The following CPEB3 variants were observed in gnomAD, a reference collection of about 807,000 sequenced individuals.
CPEB3 encodes the protein cytoplasmic polyadenylation element-binding protein 3.
CPEB3 carries 20 observed loss-of-function variants against 67.2 expected under a neutral mutation model. The ratio of observed to expected loss-of-function variants is 0.30; its 90% CI spans 0.21 to 0.43. CPEB3 has a LOEUF of 0.43. Among genes scored for constraint, CPEB3 ranks in the 20% least tolerant of loss-of-function variants. The pLI is 1.00. For synonymous variants in CPEB3, 376 were observed against 393.1 expected (o/e 0.96, Z 0.51); for missense variants, 746 against 968.6 (o/e 0.77, Z 3.05).
chr10:92,253,833 C>A (rs919445185), intron 1 of CPEB3, among the ~76,000 whole-genome samples: 2 of 151,956 alleles, frequency 1.3e-5, no homozygotes, highest in African/African-American at 2.4e-5. Context: ...GGAGGGGGAG[C>A]CTTAGGTCTG....
At chr10:92,088,268 C>G (rs1298875226) in intron 8 of CPEB3, among the ~76,000 whole-genome samples, 1 of 149,210 alleles carries the variant, frequency 6.7e-6, no homozygotes, top group Non-Finnish European at 1.5e-5. Context: ...TACTGTCACC[C>G]AGGCTGGAGT....
At chr10:92,070,276 A>G (rs1564753117) in intron 9 of CPEB3, among the ~76,000 whole-genome samples, 1 of 152,250 alleles carries the variant, frequency 6.6e-6, no homozygotes, top group African/African-American at 2.4e-5. Flanking sequence ...AATATGTCAT[A>G]GAATAAACCA....
At chr10:92,243,596 G>C (rs1002659050) in intron 1 of CPEB3, among the ~76,000 whole-genome samples, 1 of 152,108 alleles carries the variant, frequency 6.6e-6, no homozygotes, top group African/African-American at 2.4e-5. Context: ...GTAATGACTG[G>C]GTAGCTAGCA....
At chr10:92,179,086 A>T (rs1848352918) in intron 4 of CPEB3, among the ~76,000 whole-genome samples, 1 of 152,130 alleles carries the variant, frequency 6.6e-6, no homozygotes, top group Non-Finnish European at 1.5e-5. Context: ...GTATCAGCAA[A>T]ATGGCCGTTT....
intron 9 of CPEB3, among the ~76,000 whole-genome samples, chr10:92,060,749 G>A (rs1172398507): frequency 2.0e-5 from 3 of 152,106 alleles, no homozygotes; most frequent in Non-Finnish European, 2.9e-5. Context: ...GATGGCAAAC[G>A]GAATATGAAA....
At chr10:92,151,998 T>C (rs1360335677) in intron 4 of CPEB3, among the ~76,000 whole-genome samples, 1 of 152,184 alleles carries the variant, frequency 6.6e-6, no homozygotes, top group Non-Finnish European at 1.5e-5. Flanking sequence ...TTTAAAAACA[T>C]AAATCCAATC....
Position 92,080,839 on chromosome 10 carries a change from T to C in CPEB3, c.1869+481A>G, listed in dbSNP as rs147041711. ...TTGGTCTCGATCTCCTGATTCATGA[T>C]CCACCCGCCTCGGCCTCCCAGAGTG... On this transcript the variant is annotated intron_variant, in intron 9 of 9. Coordinates refer to ENST00000265997, the MANE Select transcript of CPEB3 (RefSeq NM_014912.5). Among the ~76,000 whole-genome samples the C allele has an allele frequency of 5.7e-3, 869 of 152,254 alleles. 6 individuals carry two copies. The highest frequency in any genetic ancestry group is 0.02 in the African/African-American group (821 of 41,540).
intron 1 of CPEB3, among the ~76,000 whole-genome samples, chr10:92,289,012 G>A (rs777342851): frequency 1.7e-4 from 26 of 152,196 alleles, no homozygotes; most frequent in South Asian, 2.1e-4. Flanking sequence ...ATGGGAGGCC[G>A]AGGCAGGCAG....
In CPEB3 at chr10:92,192,484, A is replaced by G; in HGVS notation, c.1158T>C (p.His386=). 6.2e-7 allele frequency: 1 copy of G among 1,612,332 alleles called. No individual in the cohort carries two copies. The highest frequency in any genetic ancestry group is 8.5e-7 in the Non-Finnish European group (1 of 1,179,580). The change falls in exon 3 of 10, where the codon CAT becomes CAC. Residue 386 remains histidine (H), a synonymous_variant. Transcript: ENST00000265997. ...MSFADIMWRN[H]FAGRMGINFH... ...CATATGAATATTCCTAACCTGCAAA[A>G]TGATTCCTCCACATTATATCAGCGA...
At chr10:92,080,599 C>A (rs1392131763) in intron 9 of CPEB3, among the ~76,000 whole-genome samples, 1 of 143,918 alleles carries the variant, frequency 6.9e-6, no homozygotes, top group African/African-American at 2.5e-5. Context: ...TTGCAATTTT[C>A]TTTTTTTTTT....
chr10:92,141,958 C>T (rs1424578492), intron 6 of CPEB3, among the ~76,000 whole-genome samples: 3 of 146,888 alleles, frequency 2.0e-5, no homozygotes, highest in Non-Finnish European at 4.4e-5. Flanking sequence ...GCGGAGCTTG[C>T]AGTGAGCCGA....
At chr10:92,193,464 AT>A (rs879751540) in intron 2 of CPEB3, among the ~76,000 whole-genome samples, 19 of 147,592 alleles carry the variant, frequency 1.3e-4, no homozygotes, top group Non-Finnish European at 1.5e-4. Context: ...AAAGACCACA[AT>A]TTTTTTTTTT....
Position 92,272,354 on chromosome 10 carries a change from A to C in CPEB3, c.-12+18572T>G, listed in dbSNP as rs375691422. 8 of 152,208 alleles carry C rather than the reference A, an allele frequency of 5.3e-5. No homozygotes were observed. The East Asian group carries it at 1.5e-3, about 29-fold the overall frequency. The allele number at this position is 152,208 out of a possible 1,614,324, so 9.4% of individuals were successfully genotyped here. A position where few individuals can be genotyped will look rare whatever the true frequency, so the allele number is the denominator to read the frequency against. The stretch of plus-strand genomic sequence containing the variant: ...CAGGCTCAGGTACCTTTCCTGCCAC[A>C]GTCTGTAATCGCAAATTTCTCCAAA... On this transcript the variant is annotated intron_variant, in intron 1 of 9. Coordinates refer to ENST00000265997, the MANE Select transcript of CPEB3 (RefSeq NM_014912.5).
chr10:92,160,137 G>A (rs568897459), intron 4 of CPEB3, among the ~76,000 whole-genome samples: 4 of 152,096 alleles, frequency 2.6e-5, no homozygotes, highest in Non-Finnish European at 4.4e-5. Context: ...AGTAGAGATG[G>A]AGTTTTGCCA....
At chr10:92,115,716 A>G (rs1422904802) in intron 6 of CPEB3, among the ~76,000 whole-genome samples, 5 of 152,198 alleles carry the variant, frequency 3.3e-5, no homozygotes, top group African/African-American at 1.2e-4. Flanking sequence ...AAATGATCCC[A>G]TTTAAACTGA....
At chr10:92,282,179 T>C (rs1842324921) in intron 1 of CPEB3, among the ~76,000 whole-genome samples, 1 of 152,064 alleles carries the variant, frequency 6.6e-6, no homozygotes, top group Non-Finnish European at 1.5e-5. Context: ...GCAAGGATAA[T>C]GAAAAGTAAT....
At chr10:92,113,792 G>A (rs868393332) in intron 6 of CPEB3, among the ~76,000 whole-genome samples, 3 of 145,894 alleles carry the variant, frequency 2.1e-5, no homozygotes, top group South Asian at 2.1e-4. Context: ...ACAAAAGCAC[G>A]CAGATTTTCA....
At chr10:92,082,988 T>C (rs1392110295) in intron 8 of CPEB3, among the ~76,000 whole-genome samples, 2 of 152,148 alleles carry the variant, frequency 1.3e-5, no homozygotes, top group East Asian at 1.9e-4. Flanking sequence ...AAGGGCTGAA[T>C]AGTATAAGAA....
intron 3 of CPEB3, among the ~76,000 whole-genome samples, chr10:92,181,462 T>C (rs553237445): frequency 6.7e-6 from 1 of 148,304 alleles, no homozygotes; most frequent in South Asian, 2.1e-4. Flanking sequence ...GGCTCAAAAA[T>C]GCAATATAAT....
Sources: allele counts gnomAD v4.1 joint callset (sites outside exome capture counted in the v4.1 genomes callset), GRCh38; gene constraint gnomAD v4.1.1; transcripts MANE v1.5; gene names NCBI Gene and HGNC (gene_info 2026-07-23, HGNC 2026-07-21).